RIC1: variants seen among roughly 807,000 people sequenced by gnomAD.
RIC1 encodes guanine nucleotide exchange factor subunit RIC1.
RIC1 carries 88 observed loss-of-function variants against 169.0 expected under a neutral mutation model. That is an observed-to-expected ratio of 0.52 (90% CI 0.44 to 0.62). The LOEUF is 0.62. RIC1 is among the 20% of genes least tolerant of loss of function. The probability of loss-of-function intolerance (pLI) is 0.00; values close to 1 mark genes in which losing one functional copy is unlikely to be tolerated. For missense variants in RIC1, 1,877 were observed against 1,725.5 expected, an observed-to-expected ratio of 1.09 and a Z score of -1.56; for synonymous variants, 790 against 601.5, an observed-to-expected ratio of 1.31 and a Z score of -4.59.
chr9:5,678,285 G>A (rs1366534359), intron 2 of RIC1, among the ~76,000 whole-genome samples: 3 of 152,166 alleles, frequency 2.0e-5, no homozygotes, highest in African/African-American at 7.2e-5. Flanking sequence ...GTTTGCTATT[G>A]TGAATAGTGC....
chr9:5,705,160 G>T (rs1487168717), intron 3 of RIC1, among the ~76,000 whole-genome samples: 2 of 124,552 alleles, frequency 1.6e-5, no homozygotes, highest in African/African-American at 6.0e-5. Flanking sequence ...TTGCCTTTCT[G>T]TATGAATTTT....
rs371320945 is a variant in RIC1 at position 5,746,115 on chromosome 9, G to C, written c.1248+32G>C. On this transcript the variant is annotated intron_variant, in intron 11 of 25. Transcript: ENST00000414202. Reference sequence around the variant, plus strand: ...ATATTTAAAGCTCTGATTTTTTAGTGTCTTTTGTGTTAGAAGCTCAGACCC... The same window carrying C: ...ATATTTAAAGCTCTGATTTTTTAGTCTCTTTTGTGTTAGAAGCTCAGACCC... 3.4e-4 allele frequency: 536 copies of C among 1,565,654 alleles called. 1 individual carries two copies. The African/African-American group carries it at 5.7e-3, about 17-fold the overall frequency.
rs1251181057 is a variant in RIC1, at chr9:5,685,934, AAAAC to A, written c.253-4016_253-4013del. On this transcript the variant is annotated intron_variant, in intron 2 of 25. Coordinates refer to ENST00000414202, the MANE Select transcript of RIC1 (RefSeq NM_020829.4). ...TGAACTCAAACAAATTTACAAGAAA[AAAAC>A]AAACAAACCCATCAAAAAGTGGGCG... Among the ~76,000 whole-genome samples, 263 of 151,438 alleles carry A rather than the reference AAAAC, an allele frequency of 1.7e-3. 1 individual carries two copies. Among genetic ancestry groups the A allele is most frequent in the African/African-American group, 5.2e-3 (216 of 41,218 alleles).
At chr9:5,732,916 T>A (rs1457324362) in intron 7 of RIC1, among the ~76,000 whole-genome samples, 3 of 152,154 alleles carry the variant, frequency 2.0e-5, no homozygotes, top group Non-Finnish European at 4.4e-5. Flanking sequence ...CTTGCCTTAG[T>A]TTATTAAATA....
rs760400037 is a variant in RIC1, at chr9:5,698,232, A to G, written c.332+8194A>G. Reference sequence around the variant, plus strand: ...TCACCTGATCTAGCCCTCAAAGCATACTTGACATGCTTTAAAAGCAGTCTT... The same window carrying G: ...TCACCTGATCTAGCCCTCAAAGCATGCTTGACATGCTTTAAAAGCAGTCTT... On this transcript the variant is annotated intron_variant, in intron 3 of 25. Coordinates refer to ENST00000414202, the MANE Select transcript of RIC1 (RefSeq NM_020829.4). Among the ~76,000 whole-genome samples, 142 of 152,316 alleles carry G rather than the reference A, an allele frequency of 9.3e-4. No homozygotes were observed. In the Middle Eastern group the frequency reaches 0.014, roughly 15 times the overall value.
At chr9:5,639,724 T>G (rs1303152159) in intron 1 of RIC1, among the ~76,000 whole-genome samples, 3 of 152,232 alleles carry the variant, frequency 2.0e-5, no homozygotes, top group Non-Finnish European at 4.4e-5. Flanking sequence ...TAGCTCTCTC[T>G]TTAGCCCTAA....
chr9:5,753,818 C>G (rs1259229887), intron 14 of RIC1, among the ~76,000 whole-genome samples, 172 bp downstream of exon 14: 1 of 152,018 alleles, frequency 6.6e-6, no homozygotes, highest in African/African-American at 2.4e-5. Context: ...TGATAAAATA[C>G]TTGATATTTG....
intron 1 of RIC1, among the ~76,000 whole-genome samples, chr9:5,632,496 T>C (rs1002826498): frequency 3.3e-5 from 5 of 152,294 alleles, no homozygotes; most frequent in African/African-American, 1.2e-4. Context: ...AAATACAGTA[T>C]AGTGTTGTTT....
chr9:5,670,364 A>G (rs1820017922), intron 2 of RIC1, among the ~76,000 whole-genome samples: 2 of 152,206 alleles, frequency 1.3e-5, no homozygotes, highest in African/African-American at 4.8e-5. Context: ...GGGAAAAAAA[A>G]TCAGCTTACT....
At chr9:5,647,968 G>GTGA (rs1563867007) in intron 1 of RIC1, among the ~76,000 whole-genome samples, 4 of 134,860 alleles carry the variant, frequency 3.0e-5, no homozygotes, top group Non-Finnish European at 6.2e-5. Flanking sequence ...GGTGGTGGTG[G>GTGA]TGGTGATGGT....
Position 5,642,193 on chromosome 9 carries a change from C to G in RIC1, c.144+12740C>G, listed in dbSNP as rs564421321. 4.1e-5 allele frequency among the ~76,000 whole-genome samples: 6 copies of G among 145,212 alleles called. No individual in the cohort carries two copies. In the East Asian group the frequency reaches 1.2e-3, roughly 28 times the overall value. ...AATCTGGAAGAATTATTTGGATTAC[C>G]ACGTAGAGACTCTTGTTCTTTTCTG... On this transcript the variant is annotated intron_variant, in intron 1 of 25. Coordinates refer to ENST00000414202, the MANE Select transcript of RIC1 (RefSeq NM_020829.4).
chr9:5,707,966 C>A (rs575705815), intron 3 of RIC1, among the ~76,000 whole-genome samples: 2 of 151,862 alleles, frequency 1.3e-5, no homozygotes, highest in Admixed American at 6.6e-5. Flanking sequence ...TCCACTGCTG[C>A]CTTTTTGTTG....
Position 5,769,070 on chromosome 9 carries a change from G to C in RIC1, c.3238G>C (p.Gly1080Arg), listed in dbSNP as rs1827008657. The C allele has an allele frequency of 6.2e-7, 1 of 1,613,944 alleles. No individual in the cohort carries two copies. Among genetic ancestry groups the C allele is most frequent in the African/African-American group, 1.3e-5 (1 of 74,882 alleles). The change falls in exon 22 of 26, where the codon GGC becomes CGC. Residue 1080 changes from glycine (G) to arginine (R), a missense_variant. Physicochemically the swap from Gly to Arg is moderately radical, Grantham distance 125. Around this residue, in one of 3 missense-constraint regions of RIC1, gnomAD observed 681 missense variants for 582.0 expected, o/e 1.17. Coordinates refer to ENST00000414202, the MANE Select transcript of RIC1 (RefSeq NM_020829.4). ...AGAAGATGTGAGGTTAAAGGACCTTGGCTGCTTTGCAGCCCAGCTGGGCTT... is the reference window on the plus strand; with the variant it reads ...AGAAGATGTGAGGTTAAAGGACCTTCGCTGCTTTGCAGCCCAGCTGGGCTT... ...LLEDVRLKDL[G>R]CFAAQLGFEL...
intron 2 of RIC1, among the ~76,000 whole-genome samples, chr9:5,660,250 T>A (rs1467884595): frequency 1.3e-5 from 2 of 152,230 alleles, no homozygotes; most frequent in African/African-American, 4.8e-5. Context: ...TTATTCAGTC[T>A]ATCATCGGGG....
At position 5,662,023 on chromosome 9, in the gene RIC1, G is replaced by T. The variant is rs568105775; in HGVS notation, c.252+5333G>T. Among the ~76,000 whole-genome samples the T allele has an allele frequency of 2.4e-4, 36 of 152,206 alleles. No individual in the cohort carries two copies. The South Asian group carries it at 7.5e-3, about 32-fold the overall frequency. On this transcript the variant is annotated intron_variant, in intron 2 of 25. Coordinates refer to ENST00000414202, the MANE Select transcript of RIC1 (RefSeq NM_020829.4). Reference sequence around the variant, plus strand: ...ATGTTCCTTCAATATCTGGTTTATTGAGAGTTTTTAACCTAAAGCGATGTT... The same window carrying T: ...ATGTTCCTTCAATATCTGGTTTATTTAGAGTTTTTAACCTAAAGCGATGTT...
At chr9:5,632,697 C>T (rs571551608) in intron 1 of RIC1, among the ~76,000 whole-genome samples, 73 of 152,118 alleles carry the variant, frequency 4.8e-4, no homozygotes, top group Non-Finnish European at 8.2e-4. Context: ...GGACTAGTTT[C>T]AGCTTTGAGG....
chr9:5,771,653 A>G (rs183646847), intron 23 of RIC1, among the ~76,000 whole-genome samples: 87 of 152,204 alleles, frequency 5.7e-4, no homozygotes, highest in Non-Finnish European at 1.0e-3. Context: ...CAAGGGTTCT[A>G]TTTTCTCCAC....
chr9:5,643,637 A>T (rs561578256), intron 1 of RIC1, among the ~76,000 whole-genome samples: 1 of 152,282 alleles, frequency 6.6e-6, no homozygotes, highest in African/African-American at 2.4e-5. Flanking sequence ...TACTCTCCTT[A>T]CGTAAATAAA....
In RIC1 at chr9:5,732,429, G is replaced by A. The variant is rs1254205907; in HGVS notation, c.762G>A (p.Thr254=). The A allele has an allele frequency of 4.3e-6, 7 of 1,612,074 alleles. No homozygotes were observed. Among genetic ancestry groups the A allele is most frequent in the Admixed American group, 1.7e-5 (1 of 59,724 alleles). The change falls in exon 7 of 26, where the codon ACG becomes ACA. Residue 254 remains threonine (T), a synonymous_variant. Transcript: ENST00000414202. ...GGCCACAAGATGTTGTTGACGGAAC[G>A]TGTGTAGCAGTAAATAACAAGTATC... is the stretch of plus-strand genomic sequence containing the variant. ...GVWPQDVVDG[T]CVAVNNKYRL...
Sources: gnomAD v4.1 joint callset for allele counts (sites outside exome capture counted in the v4.1 genomes callset) on GRCh38, gnomAD v4.1.1 for gene constraint, gnomAD v4.1.1 regional missense constraint, MANE v1.5 for transcripts, NCBI Gene and HGNC (gene_info 2026-07-23, HGNC 2026-07-21) for gene names.